The following TMF1 variants were observed in gnomAD, a reference collection of about 807,000 sequenced individuals.
TMF1 encodes TATA element modulatory factor.
A neutral mutation model predicts 126.5 loss-of-function variants in TMF1; 71 were observed. The observed-to-expected ratio is 0.56, with a 90% confidence interval of 0.46 to 0.68. The LOEUF (loss-of-function observed/expected upper bound fraction) is 0.68, where lower values mean the gene tolerates loss of function less well. TMF1 is among the 30% of genes least tolerant of loss of function. TMF1 has a pLI of 0.00. For synonymous variants in TMF1, 461 were observed against 430.5 expected (o/e 1.07, Z -0.88); for missense variants, 1,259 against 1,253.2 (o/e 1.00, Z -0.07).
rs1349694932 is a variant in TMF1 at position 69,021,035 on chromosome 3, T to G, written c.*2142A>C. ...TCTCCCCTTATCCACGATTTTGCTTTCTGTGGTTTCGGTTACTCACGGTCA... is the reference window on the plus strand; with the variant it reads ...TCTCCCCTTATCCACGATTTTGCTTGCTGTGGTTTCGGTTACTCACGGTCA... On this transcript the variant is annotated 3_prime_UTR_variant, in exon 17 of 17. Transcript: ENST00000398559. 1.3e-5 allele frequency: 2 copies of G among 152,234 alleles called. No homozygotes were observed. The highest frequency in any genetic ancestry group is 4.8e-5 in the African/African-American group (2 of 41,474). 9.4% of individuals were successfully genotyped at this position (152,234 alleles called of 1,614,324 possible).
At chr3:69,044,863 A>G (rs1424023332) in intron 2 of TMF1, among the ~76,000 whole-genome samples, 2 of 152,246 alleles carry the variant, frequency 1.3e-5, no homozygotes, top group Non-Finnish European at 2.9e-5. Flanking sequence ...GGGGATCTAC[A>G]TACTCTTTGA....
Position 69,052,075 on chromosome 3 carries a change from G to GA in TMF1, c.11dup (p.Asn5GlnfsTer10). On this transcript the variant is annotated frameshift_variant, in exon 1 of 17. Coordinates refer to ENST00000398559, the MANE Select transcript of TMF1 (RefSeq NM_007114.3). LOFTEE classifies it high-confidence loss of function. The stretch of plus-strand genomic sequence containing the variant: ...CGAAGCTGGAGAGCTGGGAGGCGTT[G>GA]AACCAACTCATCGCCCCTCCTCAGC... 1 of 1,611,544 alleles carries GA rather than the reference G, an allele frequency of 6.2e-7. No individual in the cohort carries two copies. The highest frequency in any genetic ancestry group is 8.5e-7 in the Non-Finnish European group (1 of 1,179,292).
intron 5 of TMF1, chr3:69,042,315 G>A (rs775000257): frequency 2.2e-6 from 1 of 455,494 alleles, no homozygotes; most frequent in South Asian, 1.6e-5. Flanking sequence ...TGAGATTACA[G>A]TCATAAGCCA....
At chr3:69,039,447 T>G in intron 6 of TMF1, 104 bp downstream of exon 6, 11 of 1,271,138 alleles carry the variant, frequency 8.7e-6, no homozygotes, top group Non-Finnish European at 1.2e-5. Context: ...CCTTCTTACA[T>G]GATATACCCC....
At position 69,047,513 on chromosome 3, in the gene TMF1, G is replaced by C. The variant is rs1277281231; in HGVS notation, c.1192C>G (p.Arg398Gly). 6.2e-7 allele frequency: 1 copy of C among 1,614,000 alleles called. No individual in the cohort carries two copies. The highest frequency in any genetic ancestry group is 1.3e-5 in the African/African-American group (1 of 74,926). Reference protein sequence around the residue: ...TEEAEMEESGRSATPVNCEQP... With the variant: ...TEEAEMEESGGSATPVNCEQP... ...TCACAGTTAACAGGAGTTGCACTTC[G>C]TCCACTTTCTTCCATTTCTGCTTCC... Residue 398 changes from arginine (R) to glycine (G), a missense_variant, in exon 2 of 17, where the codon CGA becomes GGA. Physicochemically the swap from Arg to Gly is moderately radical, Grantham distance 125 (BLOSUM62 -2). Transcript: ENST00000398559.
rs372738397 is a variant in TMF1, at chr3:69,052,100, C to A, written c.-14G>T. 54 of 1,603,096 alleles carry A rather than the reference C, an allele frequency of 3.4e-5. No individual in the cohort carries two copies. The African/African-American group carries it at 6.3e-4, about 19-fold the overall frequency. ...GAACCAACTCATCGCCCCTCCTCAG[C>A]CGGCAGTGGCGGCGGCAGCACCAAG... On this transcript the variant is annotated 5_prime_UTR_variant, in exon 1 of 17. Transcript: ENST00000398559.
chr3:69,045,534 C>A (rs2091890740), intron 2 of TMF1, among the ~76,000 whole-genome samples: 1 of 152,054 alleles, frequency 6.6e-6, no homozygotes, highest in Admixed American at 6.6e-5. Context: ...AATCCCAGCA[C>A]TTTGGTAGGC....
rs760562252 is a variant in TMF1 at position 69,035,162 on chromosome 3, T to A, written c.2152-47A>T. Reference sequence around the variant, plus strand: ...ATTCACAAACAATGGTACAGTATTATCTATAACTTCCCACTAACTACATAT... The same window carrying A: ...ATTCACAAACAATGGTACAGTATTAACTATAACTTCCCACTAACTACATAT... On this transcript the variant is annotated intron_variant, in intron 8 of 16. Transcript: ENST00000398559. 2.5e-5 allele frequency: 37 copies of A among 1,454,756 alleles called. No individual in the cohort carries two copies. In the African/African-American group the frequency reaches 5.0e-4, roughly 20 times the overall value. 90.1% of individuals were successfully genotyped at this position (1,454,756 alleles called of 1,614,324 possible).
chr3:69,038,539 C>T (rs1559632598), intron 8 of TMF1, 25 bp downstream of exon 8: 1 of 1,604,758 alleles, frequency 6.2e-7, no homozygotes, highest in Admixed American at 1.7e-5. Context: ...TTTAAAACTA[C>T]TCTAATTCAT....
chr3:69,029,800 A>G lies in TMF1; in HGVS notation c.2594+15T>C. ...CACGGAACTACCAAAAATATCACTC[A>G]GAAACCATGCTCACCTATTGTTCTC... On this transcript the variant is annotated intron_variant, in intron 11 of 16. Transcript: ENST00000398559. The G allele has an allele frequency of 6.3e-7, 1 of 1,590,434 alleles. No individual in the cohort carries two copies. The highest frequency in any genetic ancestry group is 8.6e-7 in the Non-Finnish European group (1 of 1,169,250).
Position 69,047,620 on chromosome 3 carries a change from G to T in TMF1, c.1085C>A (p.Ser362Tyr). The T allele has an allele frequency of 5.0e-6, 8 of 1,614,046 alleles. No homozygotes were observed. The highest frequency in any genetic ancestry group is 6.8e-6 in the Non-Finnish European group (8 of 1,180,022). Residue 362 changes from serine (S) to tyrosine (Y), a missense_variant, in exon 2 of 17, where the codon TCT becomes TAT. By Grantham distance (144) the Ser-to-Tyr change is moderately radical. Coordinates refer to ENST00000398559, the MANE Select transcript of TMF1 (RefSeq NM_007114.3). Reference protein sequence around the residue: ...GYALVPIIVNSSTPKSKTVES... With the variant: ...GYALVPIIVNYSTPKSKTVES... The stretch of plus-strand genomic sequence containing the variant: ...AACTGTTTTAGACTTTGGAGTTGAA[G>T]AATTAACTATAATAGGCACTAAAGC...
At chr3:69,025,141 G>A (rs142975245) in intron 15 of TMF1, 1 of 155,932 alleles carries the variant, frequency 6.4e-6, no homozygotes, top group East Asian at 1.9e-4. Flanking sequence ...CGGGGTAGCT[G>A]GAACAACTTA....
At chr3:69,027,870 C>T (rs764131276) in intron 13 of TMF1, 30 bp downstream of exon 13, 31 of 1,253,486 alleles carry the variant, frequency 2.5e-5, no homozygotes, top group Admixed American at 1.4e-4. Flanking sequence ...AATGGTTACA[C>T]CACAAACAAA....
intron 10 of TMF1, among the ~76,000 whole-genome samples, chr3:69,031,323 GA>G (rs1168173793): frequency 6.6e-6 from 1 of 151,802 alleles, no homozygotes; most frequent in African/African-American, 2.4e-5. Flanking sequence ...AAGAAAAAAA[GA>G]AAAAAAGCTA....
At position 69,043,783 on chromosome 3, in the gene TMF1, T is replaced by A; in HGVS notation, c.1545A>T (p.Gln515His). The change falls in exon 4 of 17, where the codon CAA becomes CAT. Residue 515 changes from glutamine (Q) to histidine (H), a missense_variant. Transcript: ENST00000398559. ...CAGCATCTCTCTCTTTGCAGGCTAG[T>A]TGAACTTTCTTTTCTGCTTCTGCAA... is the stretch of plus-strand genomic sequence containing the variant. ...QRIAEAEKKVQLACKERDAAK... is the reference protein window; with the variant it reads ...QRIAEAEKKVHLACKERDAAK... The A allele has an allele frequency of 6.2e-7, 1 of 1,612,048 alleles. No individual in the cohort carries two copies. Among genetic ancestry groups the A allele is most frequent in the Non-Finnish European group, 8.5e-7 (1 of 1,179,174 alleles).
intron 3 of TMF1, 74 bp downstream of exon 3, chr3:69,044,418 C>A: frequency 2.6e-6 from 2 of 771,898 alleles, no homozygotes; most frequent in Non-Finnish European, 2.0e-6. Flanking sequence ...ATTTCAAAAA[C>A]ATTCTTAAAT....
At chr3:69,037,841 A>C (rs1039282121) in intron 8 of TMF1, among the ~76,000 whole-genome samples, 2 of 152,054 alleles carry the variant, frequency 1.3e-5, no homozygotes, top group Non-Finnish European at 2.9e-5. Flanking sequence ...AATGCAAATC[A>C]ACACCATACT....
intron 1 of TMF1, among the ~76,000 whole-genome samples, chr3:69,049,360 C>T (rs564664589): frequency 2.6e-5 from 4 of 152,114 alleles, no homozygotes; most frequent in African/African-American, 7.2e-5. Flanking sequence ...GGTGACAGAT[C>T]GAGAACCTGT....
intron 5 of TMF1, 90 bp from the exon 6 acceptor site, chr3:69,039,783 C>T: frequency 1.4e-6 from 2 of 1,414,610 alleles, no homozygotes; most frequent in East Asian, 2.4e-5. Flanking sequence ...CATAAAAGAA[C>T]AGAATTTTTT....
Sources: allele counts gnomAD v4.1 joint callset (sites outside exome capture counted in the v4.1 genomes callset), GRCh38; gene constraint gnomAD v4.1.1; transcripts MANE v1.5; gene names NCBI Gene and HGNC (gene_info 2026-07-23, HGNC 2026-07-21).